SNX3: variants seen among roughly 807,000 people sequenced by gnomAD.
SNX3 encodes the protein sorting nexin 3.
SNX3 carries 5 observed loss-of-function variants against 17.7 expected under a neutral mutation model. The ratio of observed to expected loss-of-function variants is 0.28; its 90% CI spans 0.15 to 0.59. SNX3 has a LOEUF of 0.59. SNX3 is among the 20% of genes least tolerant of loss of function. The pLI, the probability that SNX3 is intolerant of heterozygous loss-of-function variation, is 0.88. For synonymous variants in SNX3, 91 were observed against 76.5 expected (o/e 1.19, Z -0.99); for missense variants, 132 against 206.8 (o/e 0.64, Z 2.22).
At chr6:108,259,609 TTTGA>T (rs1045369046) in intron 1 of SNX3, among the ~76,000 whole-genome samples, 4 of 152,208 alleles carry the variant, frequency 2.6e-5, no homozygotes, top group Admixed American at 2.0e-4. Context: ...TATCTTAAAG[TTTGA>T]TTAACTTTTT....
intron 1 of SNX3, among the ~76,000 whole-genome samples, chr6:108,248,187 G>C (rs962178676): frequency 6.6e-6 from 1 of 152,254 alleles, no homozygotes; most frequent in East Asian, 1.9e-4. Context: ...CCTCAGGGCA[G>C]ACCTGGGTTC....
chr6:108,234,757 T>C (rs1002438937), intron 1 of SNX3, among the ~76,000 whole-genome samples: 3 of 152,182 alleles, frequency 2.0e-5, no homozygotes, highest in East Asian at 1.9e-4. Flanking sequence ...CATGATTATA[T>C]ACAGACATCC....
At chr6:108,254,950 G>A (rs2114770786) in intron 1 of SNX3, among the ~76,000 whole-genome samples, 1 of 152,290 alleles carries the variant, frequency 6.6e-6, no homozygotes, top group Non-Finnish European at 1.5e-5. Context: ...ATGAGGAAAG[G>A]ACAAGAGATG....
At chr6:108,215,767 C>G (rs1242942254) in intron 2 of SNX3, among the ~76,000 whole-genome samples, 1 of 151,694 alleles carries the variant, frequency 6.6e-6, no homozygotes, top group African/African-American at 2.4e-5. Flanking sequence ...CACATGTCTA[C>G]AAAAATAAAA....
In SNX3 at chr6:108,212,049, A is replaced by G. The variant is rs1774421690; in HGVS notation, c.*100T>C. 1 of 638,574 alleles carries G rather than the reference A, an allele frequency of 1.6e-6. No homozygotes were observed. Among genetic ancestry groups the G allele is most frequent in the African/African-American group, 1.9e-5 (1 of 53,584 alleles). The allele number at this position is 638,574 out of a possible 1,614,324, so 39.6% of individuals were successfully genotyped here. A position where few individuals can be genotyped will look rare whatever the true frequency, so the allele number is the denominator to read the frequency against. On this transcript the variant is annotated 3_prime_UTR_variant, in exon 4 of 4. Transcript: ENST00000230085. ...ATATGAGTGTTAGTATACTGAAGGC[A>G]TGTTATACCAGTTTCTGTGCAGCAT...
At chr6:108,216,063 G>A (rs1774564000) in intron 2 of SNX3, among the ~76,000 whole-genome samples, 1 of 152,032 alleles carries the variant, frequency 6.6e-6, no homozygotes, top group Admixed American at 6.6e-5. Flanking sequence ...GTTTTGTACT[G>A]GGGGGCTTTC....
intron 2 of SNX3, among the ~76,000 whole-genome samples, chr6:108,219,289 G>A (rs1023473600): frequency 6.6e-5 from 10 of 151,946 alleles, no homozygotes; most frequent in Middle Eastern, 3.4e-3. Flanking sequence ...GGTATGTCAA[G>A]CAAAGCCCAA....
chr6:108,211,761 C>A lies in SNX3; in HGVS notation c.*388G>T. On this transcript the variant is annotated 3_prime_UTR_variant, in exon 4 of 4. Transcript: ENST00000230085. ...ACATAAATGGGGTCAAGTGACATCACAAATTAAAAGGGGGAAAGAGAAATA... is the reference window on the plus strand; with the variant it reads ...ACATAAATGGGGTCAAGTGACATCAAAAATTAAAAGGGGGAAAGAGAAATA... 1 of 175,750 alleles carries A rather than the reference C, an allele frequency of 5.7e-6. No homozygotes were observed. 10.9% of individuals were successfully genotyped at this position (175,750 alleles called of 1,614,324 possible).
chr6:108,214,890 A>C (rs1381185049), intron 2 of SNX3, among the ~76,000 whole-genome samples: 1 of 152,246 alleles, frequency 6.6e-6, no homozygotes, highest in Non-Finnish European at 1.5e-5. Flanking sequence ...AGGTATACAA[A>C]GAGAACACTC....
At chr6:108,222,646 G>A (rs1212933692) in intron 2 of SNX3, among the ~76,000 whole-genome samples, 1 of 152,196 alleles carries the variant, frequency 6.6e-6, no homozygotes, top group Admixed American at 6.5e-5. Flanking sequence ...TGGCTTAAGT[G>A]TGTGGAGAGG....
chr6:108,231,914 A>G (rs1330835274), intron 1 of SNX3, among the ~76,000 whole-genome samples: 3 of 152,208 alleles, frequency 2.0e-5, no homozygotes, highest in African/African-American at 7.2e-5. Context: ...AATGTTTTCA[A>G]TTTGTTGATT....
intron 1 of SNX3, 44 bp downstream of exon 1, chr6:108,260,716 G>C (rs1313373958): frequency 6.2e-7 from 1 of 1,610,742 alleles, no homozygotes. Flanking sequence ...GGTGACCAGA[G>C]CCAGCGGGAG....
At chr6:108,215,563 G>A (rs1360879193) in intron 2 of SNX3, among the ~76,000 whole-genome samples, 7 of 152,014 alleles carry the variant, frequency 4.6e-5, no homozygotes, top group Admixed American at 2.0e-4. Flanking sequence ...CGCACTATAG[G>A]AAGATCCCAA....
At chr6:108,258,278 T>C (rs766566919) in intron 1 of SNX3, among the ~76,000 whole-genome samples, 3 of 151,678 alleles carry the variant, frequency 2.0e-5, no homozygotes, top group Non-Finnish European at 4.4e-5. Flanking sequence ...ACCAACACAG[T>C]GAAATCCCAT....
intron 1 of SNX3, among the ~76,000 whole-genome samples, chr6:108,255,116 G>A (rs1280775504): frequency 6.6e-6 from 1 of 152,136 alleles, no homozygotes; most frequent in African/African-American, 2.4e-5. Context: ...CAATATAACA[G>A]GACTACTTTA....
chr6:108,236,289 A>T (rs1267816059), intron 1 of SNX3, among the ~76,000 whole-genome samples: 1 of 151,278 alleles, frequency 6.6e-6, no homozygotes, highest in Non-Finnish European at 1.5e-5. Flanking sequence ...TTCAATACCA[A>T]CCTGGCCAAC....
chr6:108,227,591 G>A (rs1472470979), intron 1 of SNX3, among the ~76,000 whole-genome samples: 1 of 152,122 alleles, frequency 6.6e-6, no homozygotes, highest in African/African-American at 2.4e-5. Context: ...TAAATTTAGA[G>A]GACCATGATT....
intron 2 of SNX3, chr6:108,222,326 A>AT (rs1440419352): frequency 7.7e-7 from 1 of 1,304,074 alleles, no homozygotes; most frequent in South Asian, 1.2e-5. Flanking sequence ...CAGGGCTGAA[A>AT]TGAGAGACAC....
Position 108,214,641 on chromosome 6 carries a change from A to C in SNX3, c.259-19T>G. The C allele has an allele frequency of 1.2e-6, 2 of 1,606,780 alleles. No individual in the cohort carries two copies. The highest frequency in any genetic ancestry group is 1.7e-6 in the Non-Finnish European group (2 of 1,178,096). On this transcript the variant is annotated intron_variant, in intron 2 of 3. Transcript: ENST00000230085. ...CTACGACCTAAAATGTGAAGACAGA[A>C]ACTCCTTGATCATGATGACTGGGTT...
Sources: allele counts gnomAD v4.1 joint callset (sites outside exome capture counted in the v4.1 genomes callset), GRCh38; gene constraint gnomAD v4.1.1; transcripts MANE v1.5; gene names NCBI Gene and HGNC (gene_info 2026-07-23, HGNC 2026-07-21).